DPP6: variants seen among roughly 807,000 people sequenced by gnomAD.
The protein encoded by DPP6 is A-type potassium channel modulatory protein DPP6.
Under a neutral mutation model 122.6 loss-of-function variants are expected in DPP6, and 69 were observed. The observed-to-expected ratio is 0.56, with a 90% CI of 0.46 to 0.69. The LOEUF is 0.69. Among genes scored for constraint, DPP6 ranks in the 30% least tolerant of loss-of-function variants. The pLI, the probability that DPP6 is intolerant of heterozygous loss-of-function variation, is 0.00. For synonymous variants in DPP6, 418 were observed against 433.1 expected, an observed-to-expected ratio of 0.97 and a Z score of 0.43; for missense variants, 928 against 1,116.9, an observed-to-expected ratio of 0.83 and a Z score of 2.41.
At position 153,975,025 on chromosome 7, in the gene DPP6, A is replaced by G. The variant is rs1796222219; in HGVS notation, c.51+87291A>G. On this transcript the variant is annotated intron_variant, in intron 1 of 25. Transcript: ENST00000404039. ...TTCGAATCCTGTTTCAGGGAATCCA[A>G]TTCAATTAATTCAATGTTCCTCTTT... 3.3e-5 allele frequency among the ~76,000 whole-genome samples: 5 copies of G among 152,118 alleles called. No homozygotes were observed. In the South Asian group the frequency reaches 1.0e-3, roughly 31 times the overall value.
intron 1 of DPP6, among the ~76,000 whole-genome samples, chr7:154,105,688 A>G (rs1227782068): frequency 6.6e-6 from 1 of 152,108 alleles, no homozygotes; most frequent in Admixed American, 6.5e-5. Flanking sequence ...AGGGCTTACA[A>G]GAGCTGATGG....
intron 1 of DPP6, among the ~76,000 whole-genome samples, chr7:154,396,765 G>A (rs1341041702): frequency 2.6e-5 from 4 of 152,146 alleles, no homozygotes; most frequent in South Asian, 4.1e-4. Flanking sequence ...CCAACATGCC[G>A]AAACCTTGTT....
chr7:154,278,659 T>G (rs1370003570), intron 1 of DPP6, among the ~76,000 whole-genome samples: 1 of 152,228 alleles, frequency 6.6e-6, no homozygotes, highest in Non-Finnish European at 1.5e-5. Flanking sequence ...CCTATGGAGT[T>G]TTATGCTTGC....
intron 8 of DPP6, among the ~76,000 whole-genome samples, chr7:154,750,184 C>T (rs1002041187): frequency 6.6e-6 from 1 of 152,200 alleles, no homozygotes; most frequent in African/African-American, 2.4e-5. Context: ...TGGGTCTTTA[C>T]AGAGAAAGGC....
chr7:154,051,650 C>G (rs1159931906), upstream of DPP6, among the ~76,000 whole-genome samples: 3 of 150,228 alleles, frequency 2.0e-5, no homozygotes, highest in African/African-American at 7.4e-5. Context: ...AAGTTGCGGG[C>G]AGCCGGAGAG....
the DPP6 span, among the ~76,000 whole-genome samples, chr7:153,764,896 G>A: frequency 6.6e-6 from 1 of 152,162 alleles, no homozygotes; most frequent in African/African-American, 2.4e-5. Context: ...TTTCCAGGTG[G>A]GGTCTAGGTA....
intron 1 of DPP6, among the ~76,000 whole-genome samples, chr7:153,898,785 G>A (rs1411361582): frequency 6.6e-6 from 1 of 152,126 alleles, no homozygotes; most frequent in Non-Finnish European, 1.5e-5. Context: ...ATGAAAACCA[G>A]CCTTATTTCT....
chr7:154,002,955 G>A (rs1797750991), intron 1 of DPP6, among the ~76,000 whole-genome samples: 1 of 152,142 alleles, frequency 6.6e-6, no homozygotes, highest in Admixed American at 6.5e-5. Context: ...GGAAATGTCA[G>A]TGTCGCTTCC....
chr7:153,766,202 G>A, the DPP6 span, among the ~76,000 whole-genome samples: 2 of 152,180 alleles, frequency 1.3e-5, no homozygotes, highest in Non-Finnish European at 1.5e-5. Flanking sequence ...TTGAACTGGG[G>A]TTAGACATTT....
intron 1 of DPP6, among the ~76,000 whole-genome samples, chr7:153,915,943 T>TTTTATTTATTTA (rs141267507): frequency 3.5e-4 from 51 of 147,080 alleles, no homozygotes; most frequent in African/African-American, 1.1e-3. Flanking sequence ...CTCCTCTGAT[T>TTTTATTTATTTA]TTTATTTATT....
chr7:153,937,158 G>T (rs1432178920), intron 1 of DPP6, among the ~76,000 whole-genome samples: 1 of 152,162 alleles, frequency 6.6e-6, no homozygotes, highest in African/African-American at 2.4e-5. Context: ...AAGTAGTCTG[G>T]TCTCAAGTTC....
intron 1 of DPP6, among the ~76,000 whole-genome samples, chr7:154,229,680 C>T (rs1800805363): frequency 1.3e-5 from 2 of 152,138 alleles, no homozygotes; most frequent in Admixed American, 1.3e-4. Context: ...TTTTATAAAG[C>T]ATCAATTATT....
the DPP6 span, among the ~76,000 whole-genome samples, chr7:153,767,556 T>G: frequency 2.3e-4 from 35 of 151,254 alleles, no homozygotes; most frequent in African/African-American, 8.5e-4. Flanking sequence ...TTTTTGTATT[T>G]TTACTAGAGA....
chr7:154,508,324 A>C (rs1464620676), intron 3 of DPP6, among the ~76,000 whole-genome samples: 2 of 152,122 alleles, frequency 1.3e-5, no homozygotes, highest in African/African-American at 4.8e-5. Context: ...AATGAGGATG[A>C]GCCTGGAGGT....
At chr7:154,419,610 C>T (rs1336380003) in intron 1 of DPP6, among the ~76,000 whole-genome samples, 1 of 152,152 alleles carries the variant, frequency 6.6e-6, no homozygotes, top group Non-Finnish European at 1.5e-5. Flanking sequence ...CTTTTTCTTT[C>T]CTTCTCTTGA....
intron 1 of DPP6, among the ~76,000 whole-genome samples, chr7:154,207,104 A>G (rs1340848551): frequency 6.7e-6 from 1 of 150,258 alleles, no homozygotes; most frequent in Non-Finnish European, 1.5e-5. Context: ...CATTATCAAG[A>G]TGAAAATGTG....
chr7:154,347,121 C>T (rs905019847), intron 1 of DPP6, among the ~76,000 whole-genome samples: 3 of 152,154 alleles, frequency 2.0e-5, no homozygotes, highest in African/African-American at 4.8e-5. Flanking sequence ...CCAAACTCAG[C>T]GATTGTGAAT....
chr7:153,869,657 G>C, the DPP6 span, among the ~76,000 whole-genome samples: 1 of 152,106 alleles, frequency 6.6e-6, no homozygotes, highest in Non-Finnish European at 1.5e-5. Context: ...TACATTTAAG[G>C]TTAATATTGT....
In DPP6 at chr7:154,583,645, C is replaced by T. The variant is rs978137712; in HGVS notation, c.627+16729C>T. ...TAGAAACACTGACTCGGGACCCAGC[C>T]CACACCCTGATCAGTCAGAAGCCTC... On this transcript the variant is annotated intron_variant, in intron 5 of 25. Transcript: ENST00000377770. 7.9e-5 allele frequency among the ~76,000 whole-genome samples: 12 copies of T among 152,186 alleles called. No individual in the cohort carries two copies. The East Asian group carries it at 2.3e-3, about 29-fold the overall frequency.
Sources: allele counts gnomAD v4.1 joint callset (sites outside exome capture counted in the v4.1 genomes callset), GRCh38; gene constraint gnomAD v4.1.1; transcripts MANE v1.5; gene names NCBI Gene and HGNC (gene_info 2026-07-23, HGNC 2026-07-21).